The following TNPO1 variants were observed in gnomAD, a reference collection of about 807,000 sequenced individuals.
TNPO1 encodes transportin 1, also known as transportin-1.
TNPO1 carries 8 observed loss-of-function variants against 119.5 expected under a neutral mutation model. That is an observed-to-expected ratio of 0.07 (90% CI 0.04 to 0.12). The LOEUF (loss-of-function observed/expected upper bound fraction) is 0.12, where lower values mean the gene tolerates loss of function less well. Among genes scored for constraint, TNPO1 ranks in the 10% least tolerant of loss-of-function variants. The pLI is 1.00. For synonymous variants in TNPO1, 362 were observed against 363.0 expected (o/e 1.00, Z 0.03); for missense variants, 576 against 1,089.8 (o/e 0.53, Z 6.64).
intron 1 of TNPO1, among the ~76,000 whole-genome samples, chr5:72,843,559 A>C (rs1580380066): frequency 6.6e-6 from 1 of 150,852 alleles, no homozygotes; most frequent in Non-Finnish European, 1.5e-5. Context: ...GCACCACTGC[A>C]CTCCAGCCTG....
chr5:72,888,063 T>G lies in TNPO1; in HGVS notation c.1304-15T>G. 2 of 1,601,856 alleles carry G rather than the reference T, an allele frequency of 1.2e-6. No homozygotes were observed. The highest frequency in any genetic ancestry group is 2.2e-5 in the East Asian group (1 of 44,780). On this transcript the variant is annotated splice_polypyrimidine_tract_variant and intron_variant, in intron 12 of 24. Transcript: ENST00000337273. ...ACTAAATTTTAGCATTTTGAAAGAT[T>G]TATTTTTTTTCTAGGTTGCATGCAG...
chr5:72,825,735 G>T (rs10075937), intron 1 of TNPO1: 3,434 of 152,436 alleles, frequency 0.023, 59 homozygotes, highest in South Asian at 0.039. Flanking sequence ...GTCTCTTGAG[G>T]ACACAGCAAG....
chr5:72,888,065 A>T lies in TNPO1; in HGVS notation c.1304-13A>T. 1 of 1,600,456 alleles carries T rather than the reference A, an allele frequency of 6.2e-7. No individual in the cohort carries two copies. Among genetic ancestry groups the T allele is most frequent in the Non-Finnish European group, 8.5e-7 (1 of 1,173,476 alleles). Reference sequence around the variant, plus strand: ...TAAATTTTAGCATTTTGAAAGATTTATTTTTTTTCTAGGTTGCATGCAGGG... The same window carrying T: ...TAAATTTTAGCATTTTGAAAGATTTTTTTTTTTTCTAGGTTGCATGCAGGG... On this transcript the variant is annotated splice_polypyrimidine_tract_variant and intron_variant, in intron 12 of 24. Coordinates refer to ENST00000337273, the MANE Select transcript of TNPO1 (RefSeq NM_002270.4).
intron 4 of TNPO1, among the ~76,000 whole-genome samples, chr5:72,860,998 C>T (rs933139286): frequency 7.2e-5 from 11 of 151,882 alleles, no homozygotes; most frequent in East Asian, 3.9e-4. Flanking sequence ...CTGCAACCTC[C>T]GCCTCCCGGG....
At chr5:72,823,104 T>C (rs1744045580) in intron 1 of TNPO1, among the ~76,000 whole-genome samples, 1 of 152,116 alleles carries the variant, frequency 6.6e-6, no homozygotes, top group Non-Finnish European at 1.5e-5. Context: ...CTTGCTGTAA[T>C]GGAAACCGGA....
intron 14 of TNPO1, among the ~76,000 whole-genome samples, chr5:72,891,249 A>T (rs1749028214): frequency 6.6e-6 from 1 of 151,912 alleles, no homozygotes; most frequent in Non-Finnish European, 1.5e-5. Flanking sequence ...GGCAGATCAA[A>T]AGGTCAGGAG....
At chr5:72,847,318 A>G (rs1745173162) in intron 1 of TNPO1, among the ~76,000 whole-genome samples, 1 of 152,134 alleles carries the variant, frequency 6.6e-6, no homozygotes, top group African/African-American at 2.4e-5. Flanking sequence ...TGATACTTAC[A>G]TTTTGTTGTT....
chr5:72,859,140 A>G (rs1443987249), intron 4 of TNPO1, among the ~76,000 whole-genome samples: 1 of 152,208 alleles, frequency 6.6e-6, no homozygotes, highest in Admixed American at 6.5e-5. Flanking sequence ...TGGTATATGT[A>G]TAGTAGTGCA....
At chr5:72,840,588 T>TAAATTAAATTA (rs1744866622) in intron 1 of TNPO1, among the ~76,000 whole-genome samples, 1 of 152,188 alleles carries the variant, frequency 6.6e-6, no homozygotes, top group African/African-American at 2.4e-5. Flanking sequence ...CTCATAGTGC[T>TAAATTAAATTA]GTTGTGAATA....
chr5:72,853,396 G>A (rs577112072), intron 3 of TNPO1, among the ~76,000 whole-genome samples: 33 of 152,310 alleles, frequency 2.2e-4, no homozygotes, highest in Non-Finnish European at 4.1e-4. Context: ...AGCTGTGATC[G>A]TGCCACTGCA....
intron 20 of TNPO1, among the ~76,000 whole-genome samples, chr5:72,897,437 C>T (rs1010183052): frequency 6.6e-6 from 1 of 151,896 alleles, no homozygotes; most frequent in African/African-American, 2.4e-5. Context: ...ATTGAACCAC[C>T]TGAATTTTGC....
intron 2 of TNPO1, 31 bp from the exon 3 acceptor site, chr5:72,851,213 G>A (rs375053292): frequency 7.6e-7 from 1 of 1,314,506 alleles, no homozygotes; most frequent in South Asian, 1.2e-5. Flanking sequence ...AGATTACACA[G>A]AGAAGTTTCC....
At chr5:72,878,981 C>T in intron 9 of TNPO1, 1 of 473,342 alleles carries the variant, frequency 2.1e-6, no homozygotes, top group East Asian at 6.5e-5. Context: ...GCCCAGATTA[C>T]TCTGGCTTTG....
chr5:72,907,399 C>T (rs769114897), intron 24 of TNPO1, among the ~76,000 whole-genome samples: 7 of 152,140 alleles, frequency 4.6e-5, no homozygotes, highest in African/African-American at 7.2e-5. Context: ...AGATCAGTAT[C>T]TTTTATTCCT....
intron 18 of TNPO1, among the ~76,000 whole-genome samples, chr5:72,895,014 A>G (rs552786845): frequency 1.8e-4 from 28 of 152,324 alleles, no homozygotes; most frequent in African/African-American, 6.0e-4. Flanking sequence ...CCTGTTTCCT[A>G]TATACTGTTG....
intron 1 of TNPO1, among the ~76,000 whole-genome samples, chr5:72,825,430 G>A (rs180747903): frequency 2.6e-5 from 4 of 152,272 alleles, no homozygotes; most frequent in East Asian, 1.9e-4. Flanking sequence ...GCTTATGTCC[G>A]TAATCCCAGC....
intron 1 of TNPO1, chr5:72,848,147 TCGGCGGCCG>T (rs1745223554): frequency 2.5e-6 from 3 of 1,207,162 alleles, no homozygotes; most frequent in East Asian, 4.0e-5. Context: ...CTCCTTGCGC[TCGGCGGCCG>T]CGGCGGCAGC....
chr5:72,848,141 T>C, intron 1 of TNPO1: 4 of 1,206,670 alleles, frequency 3.3e-6, no homozygotes, highest in South Asian at 2.4e-5. Flanking sequence ...GGTCGGCTCC[T>C]TGCGCTCGGC....
chr5:72,863,940 T>A (rs900453499), intron 5 of TNPO1, among the ~76,000 whole-genome samples: 2 of 152,206 alleles, frequency 1.3e-5, no homozygotes, highest in Non-Finnish European at 2.9e-5. Context: ...TGTGAAATTG[T>A]TGAGCTAGTG....
Sources: allele counts gnomAD v4.1 joint callset (sites outside exome capture counted in the v4.1 genomes callset), GRCh38; gene constraint gnomAD v4.1.1; transcripts MANE v1.5; gene names NCBI Gene and HGNC (gene_info 2026-07-23, HGNC 2026-07-21).